CCSER1: variants seen among roughly 807,000 people sequenced by gnomAD.
The protein encoded by CCSER1 is serine-rich coiled-coil domain-containing protein 1.
Under a neutral mutation model 82.0 loss-of-function variants are expected in CCSER1, and 41 were observed. That is an observed-to-expected ratio of 0.50 (90% CI 0.39 to 0.65). The LOEUF (loss-of-function observed/expected upper bound fraction) is 0.65. CCSER1 is among the 30% of genes least tolerant of loss of function. CCSER1 has a pLI of 0.00. For synonymous variants in CCSER1, 414 were observed against 383.9 expected (o/e 1.08, Z -0.92); for missense variants, 1,119 against 1,064.2 (o/e 1.05, Z -0.72).
At chr4:90,270,727 C>T (rs1324579980) in intron 1 of CCSER1, among the ~76,000 whole-genome samples, 1 of 151,954 alleles carries the variant, frequency 6.6e-6, no homozygotes, top group Non-Finnish European at 1.5e-5. Context: ...ATGATATGAT[C>T]TTATATTTGG....
chr4:90,740,551 A>G (rs1284661664), intron 7 of CCSER1, among the ~76,000 whole-genome samples: 1 of 152,182 alleles, frequency 6.6e-6, no homozygotes, highest in Admixed American at 6.5e-5. Flanking sequence ...CATGTTGTCT[A>G]TTAGCATCAT....
chr4:90,309,131 C>T lies in CCSER1; in HGVS notation c.847C>T (p.His283Tyr). ...AFSKSGSMAS[H>Y]CDNFGHNDST... ...TTCTAAAAGTGGAAGCATGGCATCCCACTGTGACAACTTTGGCCACAATGA... is the reference window on the plus strand; with the variant it reads ...TTCTAAAAGTGGAAGCATGGCATCCTACTGTGACAACTTTGGCCACAATGA... Residue 283 changes from histidine (H) to tyrosine (Y), a missense_variant, in exon 2 of 11, where the codon CAC becomes TAC. His to Tyr is a moderately conservative substitution (Grantham distance 83). Transcript: ENST00000509176. 1.2e-6 allele frequency: 2 copies of T among 1,613,876 alleles called. No individual in the cohort carries two copies. Among genetic ancestry groups the T allele is most frequent in the Non-Finnish European group, 1.7e-6 (2 of 1,179,832 alleles).
At chr4:90,724,088 T>A in intron 7 of CCSER1, 97 bp downstream of exon 7, 1 of 683,368 alleles carries the variant, frequency 1.5e-6, no homozygotes, top group Non-Finnish European at 2.4e-6. Flanking sequence ...GTGAACTGCT[T>A]TAATCTTCAA....
At chr4:90,826,555 G>A (rs1407244271) in intron 8 of CCSER1, among the ~76,000 whole-genome samples, 2 of 152,064 alleles carry the variant, frequency 1.3e-5, no homozygotes, top group Admixed American at 6.6e-5. Flanking sequence ...GTTTATTATT[G>A]CCTTTACTTT....
chr4:91,185,150 G>C (rs939503853), intron 10 of CCSER1, among the ~76,000 whole-genome samples: 2 of 152,132 alleles, frequency 1.3e-5, no homozygotes, highest in African/African-American at 4.8e-5. Flanking sequence ...CACAGGTAGG[G>C]TGTTTATCAG....
intron 6 of CCSER1, among the ~76,000 whole-genome samples, chr4:90,641,665 A>G (rs1726544930): frequency 6.6e-6 from 1 of 152,150 alleles, no homozygotes; most frequent in African/African-American, 2.4e-5. Context: ...TCTGATATTT[A>G]TATGATGTCA....
At chr4:90,613,827 T>C (rs1398543402) in intron 5 of CCSER1, among the ~76,000 whole-genome samples, 1 of 152,148 alleles carries the variant, frequency 6.6e-6, no homozygotes, top group African/African-American at 2.4e-5. Flanking sequence ...TAAAAATCCT[T>C]TCTTACACTC....
intron 10 of CCSER1, among the ~76,000 whole-genome samples, chr4:91,584,964 GATTA>G (rs749329888): frequency 9.9e-5 from 15 of 151,358 alleles, no homozygotes; most frequent in Non-Finnish European, 2.2e-4. Context: ...ACCTTGAACT[GATTA>G]ATTCCCAATT....
At chr4:91,561,103 C>T (rs1762632452) in intron 10 of CCSER1, among the ~76,000 whole-genome samples, 1 of 151,446 alleles carries the variant, frequency 6.6e-6, no homozygotes, top group Non-Finnish European at 1.5e-5. Flanking sequence ...CTACTATTCT[C>T]ACTCCAACCT....
chr4:91,289,073 A>C (rs528201033), intron 10 of CCSER1, among the ~76,000 whole-genome samples: 8 of 152,200 alleles, frequency 5.3e-5, no homozygotes, highest in African/African-American at 1.7e-4. Context: ...AGGGACTTAC[A>C]TCAGGAAAAA....
intron 10 of CCSER1, among the ~76,000 whole-genome samples, chr4:91,160,086 C>A (rs114665694): frequency 1.3e-5 from 2 of 148,488 alleles, no homozygotes; most frequent in Admixed American, 1.3e-4. Flanking sequence ...GTGATGTTTC[C>A]ACCCTGTGTC....
chr4:90,267,984 T>C (rs1381405669), intron 1 of CCSER1, among the ~76,000 whole-genome samples: 1 of 152,120 alleles, frequency 6.6e-6, no homozygotes, highest in Admixed American at 6.5e-5. Context: ...GGCCAGGAGA[T>C]AGGAATATGG....
chr4:91,546,159 A>G (rs936452685), intron 10 of CCSER1, among the ~76,000 whole-genome samples: 16 of 152,234 alleles, frequency 1.1e-4, no homozygotes, highest in African/African-American at 3.6e-4. Flanking sequence ...ATATTTTTAT[A>G]TATTGGGTTT....
intron 1 of CCSER1, among the ~76,000 whole-genome samples, chr4:90,220,656 A>G (rs1206577941): frequency 1.3e-5 from 2 of 152,194 alleles, no homozygotes; most frequent in African/African-American, 4.8e-5. Context: ...CTCCTGGCCA[A>G]TCTTGTGCAT....
At chr4:91,297,556 A>G (rs1476388122) in intron 10 of CCSER1, among the ~76,000 whole-genome samples, 2 of 151,908 alleles carry the variant, frequency 1.3e-5, no homozygotes, top group African/African-American at 2.4e-5. Flanking sequence ...AATTTCAGAC[A>G]ATGACAGGAT....
intron 1 of CCSER1, among the ~76,000 whole-genome samples, chr4:90,243,748 G>T (rs987558911): frequency 2.0e-5 from 3 of 151,950 alleles, no homozygotes; most frequent in African/African-American, 7.3e-5. Context: ...TTTCCCTAAA[G>T]TGCATACACA....
intron 9 of CCSER1, among the ~76,000 whole-genome samples, chr4:91,049,881 C>T (rs556906795): frequency 8.5e-5 from 13 of 152,284 alleles, no homozygotes; most frequent in Admixed American, 2.6e-4. Flanking sequence ...TCATCTTTGA[C>T]GGGTAGAACA....
At chr4:91,524,778 A>G (rs1322170809) in intron 10 of CCSER1, among the ~76,000 whole-genome samples, 2 of 152,216 alleles carry the variant, frequency 1.3e-5, no homozygotes, top group Non-Finnish European at 2.9e-5. Context: ...ACTAAAAGGC[A>G]AGAAAAAATA....
intron 5 of CCSER1, among the ~76,000 whole-genome samples, chr4:90,597,974 T>A (rs1258207822): frequency 6.7e-6 from 1 of 149,068 alleles, no homozygotes; most frequent in Non-Finnish European, 1.5e-5. Flanking sequence ...CAGGATCTGA[T>A]TTTTTTTTTA....
Sources: allele counts gnomAD v4.1 joint callset (sites outside exome capture counted in the v4.1 genomes callset), GRCh38; gene constraint gnomAD v4.1.1; transcripts MANE v1.5; gene names NCBI Gene and HGNC (gene_info 2026-07-23, HGNC 2026-07-21).